Variants in CDH13 observed in about 807,000 individuals in gnomAD.
CDH13 encodes cadherin-13.
A neutral mutation model predicts 63.8 loss-of-function variants in CDH13; 24 were observed. The ratio of observed to expected loss-of-function variants is 0.38; its 90% CI spans 0.27 to 0.53. The LOEUF is 0.53. CDH13 is among the 20% of genes least tolerant of loss of function. The probability of loss-of-function intolerance (pLI) is 0.85; values close to 1 mark genes in which losing one functional copy is unlikely to be tolerated. For missense variants in CDH13, 1,049 were observed against 903.1 expected, an observed-to-expected ratio of 1.16 and a Z score of -2.07; for synonymous variants, 503 against 355.3, an observed-to-expected ratio of 1.42 and a Z score of -4.67.
At chr16:83,236,266 G>C (rs929791458) in intron 5 of CDH13, among the ~76,000 whole-genome samples, 1 of 59,214 alleles carries the variant, frequency 1.7e-5, no homozygotes, top group African/African-American at 5.6e-5. Context: ...CACACACATA[G>C]GTTTTGTGCT....
At chr16:82,834,194 G>C (rs1033943072) in intron 1 of CDH13, among the ~76,000 whole-genome samples, 4 of 152,200 alleles carry the variant, frequency 2.6e-5, no homozygotes, top group Admixed American at 2.6e-4. Flanking sequence ...CTTCTCACCA[G>C]ATAGGCTGAC....
intron 1 of CDH13, 121 bp downstream of exon 1, chr16:82,627,258 G>C: frequency 1.2e-6 from 1 of 817,528 alleles, no homozygotes. Flanking sequence ...GGCGAAGACA[G>C]ATCGGGGCTC....
chr16:82,954,051 A>G (rs911142416), intron 2 of CDH13: 4 of 152,160 alleles, frequency 2.6e-5, no homozygotes, highest in Non-Finnish European at 1.5e-5. Flanking sequence ...GGTAATGCCA[A>G]GAAGCACTGT....
intron 4 of CDH13, among the ~76,000 whole-genome samples, chr16:83,163,878 C>G (rs1294942362): frequency 2.0e-5 from 3 of 152,084 alleles, no homozygotes; most frequent in Non-Finnish European, 4.4e-5. Flanking sequence ...CCTAACCCAT[C>G]CTAACCAATA....
intron 5 of CDH13, among the ~76,000 whole-genome samples, chr16:83,286,478 A>T (rs1412073467): frequency 6.6e-6 from 1 of 152,122 alleles, no homozygotes; most frequent in Non-Finnish European, 1.5e-5. Flanking sequence ...ATTTAAAAAT[A>T]TATCCTATTC....
intron 6 of CDH13, among the ~76,000 whole-genome samples, chr16:83,408,877 G>A (rs115839787): frequency 1.7e-3 from 264 of 152,306 alleles, no homozygotes; most frequent in African/African-American, 6.0e-3. Context: ...ACTTGGTAAG[G>A]AGACAGAGGG....
chr16:83,233,150 G>T (rs1389185441), intron 5 of CDH13, among the ~76,000 whole-genome samples: 2 of 152,150 alleles, frequency 1.3e-5, no homozygotes, highest in Non-Finnish European at 1.5e-5. Context: ...GTCTTTTCAG[G>T]AAAGGGAAAA....
At chr16:83,034,245 C>A (rs1354114542) in intron 3 of CDH13, among the ~76,000 whole-genome samples, 4 of 152,140 alleles carry the variant, frequency 2.6e-5, no homozygotes, top group African/African-American at 9.7e-5. Flanking sequence ...CTTCTGGAAC[C>A]TACTATCAAT....
intron 1 of CDH13, among the ~76,000 whole-genome samples, chr16:82,830,892 G>A (rs2038509053): frequency 6.6e-6 from 1 of 152,192 alleles, no homozygotes; most frequent in Non-Finnish European, 1.5e-5. Flanking sequence ...GTCATTGGAA[G>A]AAAAACTGTC....
At chr16:83,284,985 A>T (rs2089272566) in intron 5 of CDH13, among the ~76,000 whole-genome samples, 1 of 152,142 alleles carries the variant, frequency 6.6e-6, no homozygotes, top group Non-Finnish European at 1.5e-5. Context: ...GCTTCTATAC[A>T]CACTCTCCCT....
chr16:83,537,561 C>A (rs1567747034), intron 7 of CDH13, among the ~76,000 whole-genome samples: 1 of 152,136 alleles, frequency 6.6e-6, no homozygotes, highest in Non-Finnish European at 1.5e-5. Context: ...TCTGGCAGAT[C>A]TAAAGAAGGT....
chr16:82,714,161 C>G (rs1024228052), intron 1 of CDH13, among the ~76,000 whole-genome samples: 8 of 152,136 alleles, frequency 5.3e-5, no homozygotes, highest in African/African-American at 1.9e-4. Flanking sequence ...ACAGGACACT[C>G]ATACGTCCAT....
At chr16:83,308,244 A>G (rs989646934) in intron 5 of CDH13, among the ~76,000 whole-genome samples, 1 of 152,182 alleles carries the variant, frequency 6.6e-6, no homozygotes, top group African/African-American at 2.4e-5. Context: ...ATCTTTCCAA[A>G]CATATATTTT....
intron 1 of CDH13, among the ~76,000 whole-genome samples, chr16:82,732,625 C>T (rs1366710935): frequency 6.6e-6 from 1 of 152,184 alleles, no homozygotes; most frequent in Non-Finnish European, 1.5e-5. Context: ...CCAGTTGCTA[C>T]CAGCCTATCC....
intron 5 of CDH13, among the ~76,000 whole-genome samples, chr16:83,295,492 T>G (rs2089570309): frequency 6.6e-6 from 1 of 151,654 alleles, no homozygotes; most frequent in South Asian, 2.1e-4. Flanking sequence ...GAAAAAACAA[T>G]GAATAATTGA....
chr16:83,317,269 G>A (rs2090127472), intron 5 of CDH13, among the ~76,000 whole-genome samples: 1 of 152,180 alleles, frequency 6.6e-6, no homozygotes, highest in South Asian at 2.1e-4. Context: ...CATAAGGTAG[G>A]CATGGCATCT....
chr16:83,784,713 TATC>T (rs1050092345), intron 13 of CDH13, among the ~76,000 whole-genome samples: 1 of 150,948 alleles, frequency 6.6e-6, no homozygotes, highest in Non-Finnish European at 1.5e-5. Flanking sequence ...AAAGCGAACA[TATC>T]ATCTTCCCCT....
At chr16:83,556,965 G>T (rs553057005) in intron 7 of CDH13, among the ~76,000 whole-genome samples, 2 of 152,262 alleles carry the variant, frequency 1.3e-5, no homozygotes, top group East Asian at 1.9e-4. Flanking sequence ...CTACATAAGG[G>T]GTCCCCGACC....
intron 1 of CDH13, among the ~76,000 whole-genome samples, chr16:82,852,376 T>A (rs1475226215): frequency 2.0e-5 from 3 of 152,336 alleles, no homozygotes; most frequent in East Asian, 3.9e-4. Context: ...CCCGAGTAAC[T>A]GTCTTCTGTG....
Sources: allele counts gnomAD v4.1 joint callset (sites outside exome capture counted in the v4.1 genomes callset), GRCh38; gene constraint gnomAD v4.1.1; transcripts MANE v1.5; gene names NCBI Gene and HGNC (gene_info 2026-07-23, HGNC 2026-07-21).